Variants in PABPC1L observed in about 807,000 individuals in gnomAD.
The protein encoded by PABPC1L is polyadenylate-binding protein 1-like.
In PABPC1L, 31 loss-of-function variants were observed where a neutral mutation model predicts 66.6. The observed-to-expected ratio is 0.47, with a 90% CI of 0.35 to 0.63. PABPC1L has a LOEUF of 0.63. Ranked by LOEUF, PABPC1L falls within the 20% of genes least tolerant of loss-of-function variation. The pLI is 0.00. For synonymous variants in PABPC1L, 348 were observed against 335.1 expected (o/e 1.04, Z -0.42); for missense variants, 722 against 848.8 (o/e 0.85, Z 1.86).
intron 10 of PABPC1L, among the ~76,000 whole-genome samples, chr20:44,933,899 G>A (rs1170873445): frequency 6.6e-6 from 1 of 151,898 alleles, no homozygotes; most frequent in Non-Finnish European, 1.5e-5. Flanking sequence ...TTACAGGCAT[G>A]CGCCACCATA....
At chr20:44,927,125 G>A (rs1434063857) in intron 7 of PABPC1L, among the ~76,000 whole-genome samples, 1 of 151,020 alleles carries the variant, frequency 6.6e-6, no homozygotes, top group Non-Finnish European at 1.5e-5. Context: ...GGCTCAAGCA[G>A]TCCTCCTACC....
intron 7 of PABPC1L, among the ~76,000 whole-genome samples, chr20:44,929,036 A>G (rs1293965604): frequency 1.3e-5 from 2 of 151,096 alleles, no homozygotes; most frequent in Admixed American, 6.6e-5. Flanking sequence ...ACCTTGGGAG[A>G]CCTAGGTAGG....
Position 44,910,090 on chromosome 20 carries a change from G to A in PABPC1L, c.-54G>A. 9 of 1,466,716 alleles carry A rather than the reference G, an allele frequency of 6.1e-6. No homozygotes were observed. The highest frequency in any genetic ancestry group is 1.3e-5 in the South Asian group (1 of 79,328). The allele number at this position is 1,466,716 out of a possible 1,614,324, so 90.9% of individuals were successfully genotyped here. On this transcript the variant is annotated 5_prime_UTR_variant, in exon 1 of 15. Coordinates refer to ENST00000217073, the MANE Select transcript of PABPC1L (RefSeq NM_001372179.1). ...GGGCTTCCGCCCGGGTGAGCGCGGG[G>A]CTGCTGGGTGACCCGGCTCCTGCTT...
intron 5 of PABPC1L, among the ~76,000 whole-genome samples, chr20:44,920,994 G>A (rs1433091779): frequency 1.4e-5 from 2 of 147,762 alleles, no homozygotes; most frequent in African/African-American, 2.5e-5. Flanking sequence ...TGTATTTTTA[G>A]TAGAGATGGG....
At chr20:44,935,284 G>T in intron 10 of PABPC1L, 107 bp from the exon 11 acceptor site, 1 of 785,228 alleles carries the variant, frequency 1.3e-6, no homozygotes, top group Non-Finnish European at 2.1e-6. Flanking sequence ...TTACATTCTT[G>T]TCAACGCTTG....
At chr20:44,931,027 CTTCCCTCCCT>C (rs2066851048) in intron 8 of PABPC1L, among the ~76,000 whole-genome samples, 1 of 33,936 alleles carries the variant, frequency 2.9e-5, no homozygotes. Flanking sequence ...CCTTCCCTCC[CTTCCCTCCCT>C]TCCCTCCCTT....
rs112414052 is a variant in PABPC1L at position 44,932,780 on chromosome 20, T to C, written c.1331-277T>C. 3.7e-3 allele frequency: 1,887 copies of C among 504,604 alleles called. 32 individuals carry two copies. The highest frequency in any genetic ancestry group is 0.033 in the African/African-American group (1,723 of 52,562). The allele number at this position is 504,604 out of a possible 1,614,324, so 31.3% of individuals were successfully genotyped here. The stretch of plus-strand genomic sequence containing the variant: ...CTGTAAGAGTGAATTGCACGCTCAC[T>C]TGAAACTATCTTGAGGGACTAAGGT... On this transcript the variant is annotated intron_variant, in intron 9 of 14. Coordinates refer to ENST00000217073, the MANE Select transcript of PABPC1L (RefSeq NM_001372179.1).
At chr20:44,915,799 CAAAAA>C (rs3091602) in intron 2 of PABPC1L, among the ~76,000 whole-genome samples, 34 of 115,454 alleles carry the variant, frequency 2.9e-4, no homozygotes, top group African/African-American at 1.0e-3. Flanking sequence ...AACTCTATCT[CAAAAA>C]AAAAAAAAAA....
intron 2 of PABPC1L, 45 bp downstream of exon 2, chr20:44,912,898 T>C (rs964392109): frequency 6.5e-6 from 10 of 1,535,350 alleles, no homozygotes; most frequent in Middle Eastern, 1.7e-4. Context: ...CGGTGTCAAC[T>C]ACCTGCCTGG....
chr20:44,924,084 G>A (rs775584390), intron 6 of PABPC1L, 77 bp from the exon 7 acceptor site: 251 of 1,216,606 alleles, frequency 2.1e-4, no homozygotes, highest in Non-Finnish European at 2.6e-4. Context: ...TTGTACCTGC[G>A]TCAGTTCCCT....
intron 7 of PABPC1L, among the ~76,000 whole-genome samples, chr20:44,926,764 C>T (rs1013036651): frequency 2.6e-5 from 4 of 151,974 alleles, no homozygotes; most frequent in African/African-American, 9.7e-5. Flanking sequence ...CCAGGATGGT[C>T]CTGAACTCTT....
intron 8 of PABPC1L, among the ~76,000 whole-genome samples, chr20:44,931,003 T>TCCTCCCTTCCTTCCCTTC (rs1568649843): frequency 1.8e-4 from 18 of 101,182 alleles, no homozygotes; most frequent in Admixed American, 3.3e-4. Flanking sequence ...CATTTTTCCT[T>TCCTCCCTTCCTTCCCTTC]CCTCCCTTCC....
intron 1 of PABPC1L, 73 bp from the exon 2 acceptor site, chr20:44,912,587 C>T (rs767214946): frequency 9.6e-5 from 130 of 1,353,906 alleles, no homozygotes; most frequent in Non-Finnish European, 1.3e-4. Context: ...CAGTTAAGCA[C>T]CTCGAGGGGT....
chr20:44,930,098 G>A (rs1035505009), intron 7 of PABPC1L, among the ~76,000 whole-genome samples: 17 of 152,134 alleles, frequency 1.1e-4, no homozygotes, highest in African/African-American at 4.1e-4. Context: ...CGCATCGGGA[G>A]GTTGTACATG....
intron 7 of PABPC1L, among the ~76,000 whole-genome samples, chr20:44,929,950 A>T (rs1032854744): frequency 6.6e-6 from 1 of 152,200 alleles, no homozygotes; most frequent in African/African-American, 2.4e-5. Flanking sequence ...TACTTAGCAG[A>T]GGCGATAGAA....
rs1601103416 is a variant in PABPC1L, at chr20:44,910,169, C to A, written c.26C>A (p.Pro9Gln). 6.4e-7 allele frequency: 1 copy of A among 1,574,722 alleles called. No homozygotes were observed. Among genetic ancestry groups the A allele is most frequent in the Non-Finnish European group, 8.6e-7 (1 of 1,160,628 alleles). MNASGSGY[P>Q]LASLYVGDLH... is the part of the protein sequence containing the mutation. ...ATGAACGCCAGCGGTTCTGGCTACC[C>A]GCTTGCCTCGCTTTACGTGGGCGAT... Residue 9 changes from proline (P) to glutamine (Q), a missense_variant, in exon 1 of 15, where the codon CCG becomes CAG. This residue lies in a region of PABPC1L where 284 missense variants were observed against 294.8 expected (regional missense o/e 0.96). Transcript: ENST00000217073.
intron 3 of PABPC1L, 124 bp from the exon 4 acceptor site, chr20:44,918,782 G>A (rs1401550243): frequency 4.2e-6 from 5 of 1,199,548 alleles, no homozygotes; most frequent in Non-Finnish European, 5.8e-6. Context: ...GTATTGTCCT[G>A]CCCAGTTTCC....
At chr20:44,929,474 T>C (rs73296564) in intron 7 of PABPC1L, among the ~76,000 whole-genome samples, 2,363 of 152,186 alleles carry the variant, frequency 0.016, 60 homozygotes, top group African/African-American at 0.051. Context: ...AAATGTACCA[T>C]GTTCACATTG....
intron 7 of PABPC1L, among the ~76,000 whole-genome samples, chr20:44,926,142 A>G (rs141814121): frequency 5.2e-4 from 79 of 152,342 alleles, no homozygotes; most frequent in African/African-American, 1.7e-3. Context: ...GGAAATGTGT[A>G]AATTTGGATT....
Sources: gnomAD v4.1 joint callset for allele counts (sites outside exome capture counted in the v4.1 genomes callset) on GRCh38, gnomAD v4.1.1 for gene constraint, gnomAD v4.1.1 regional missense constraint, MANE v1.5 for transcripts, NCBI Gene and HGNC (gene_info 2026-07-23, HGNC 2026-07-21) for gene names.